The following RPH3A variants were observed in gnomAD, a reference collection of about 807,000 sequenced individuals.
RPH3A encodes the protein rabphilin 3A, also known as rabphilin-3A.
A neutral mutation model predicts 102.2 loss-of-function variants in RPH3A; 48 were observed. The ratio of observed to expected loss-of-function variants is 0.47; its 90% CI spans 0.37 to 0.60. The LOEUF is 0.60. Among genes scored for constraint, RPH3A ranks in the 20% least tolerant of loss-of-function variants. The pLI is 0.00. For synonymous variants in RPH3A, 310 were observed against 324.3 expected, an observed-to-expected ratio of 0.96 and a Z score of 0.47; for missense variants, 781 against 910.1, an observed-to-expected ratio of 0.86 and a Z score of 1.83.
At chr12:112,816,963 T>A (rs1281718384) in intron 2 of RPH3A, among the ~76,000 whole-genome samples, 4 of 152,102 alleles carry the variant, frequency 2.6e-5, no homozygotes, top group African/African-American at 9.7e-5. Context: ...ACAGTTCCAT[T>A]TTGAGGTGGG....
At chr12:112,841,200 G>A (rs962849909) in intron 4 of RPH3A, among the ~76,000 whole-genome samples, 13 of 66,778 alleles carry the variant, frequency 1.9e-4, no homozygotes, top group African/African-American at 8.2e-4. Flanking sequence ...AAAAAGCCTC[G>A]TTGGAAAAAA....
intron 4 of RPH3A, among the ~76,000 whole-genome samples, chr12:112,846,401 G>A (rs1347668051): frequency 2.6e-5 from 4 of 152,194 alleles, no homozygotes; most frequent in Non-Finnish European, 5.9e-5. Context: ...TCCCCAGGCA[G>A]CGTCCTCCTT....
At chr12:112,767,096 C>A (rs1443805003) in intron 1 of RPH3A, among the ~76,000 whole-genome samples, 1 of 152,182 alleles carries the variant, frequency 6.6e-6, no homozygotes, top group East Asian at 1.9e-4. Flanking sequence ...AGGCTCCTCA[C>A]TCATGCAAAG....
intron 4 of RPH3A, among the ~76,000 whole-genome samples, chr12:112,842,301 C>A (rs2042160485): frequency 6.6e-6 from 1 of 152,206 alleles, no homozygotes; most frequent in South Asian, 2.1e-4. Flanking sequence ...AACACAAGTT[C>A]AGCTTTTTGG....
intron 1 of RPH3A, among the ~76,000 whole-genome samples, chr12:112,614,847 C>T (rs575641483): frequency 3.9e-5 from 6 of 152,044 alleles, no homozygotes; most frequent in South Asian, 2.1e-4. Flanking sequence ...TGTGGTGGTG[C>T]GATCATGGCT....
chr12:112,683,795 A>G (rs559715505), intron 1 of RPH3A, among the ~76,000 whole-genome samples: 1 of 152,220 alleles, frequency 6.6e-6, no homozygotes, highest in East Asian at 1.9e-4. Flanking sequence ...TACTGGAGAA[A>G]GCTCCCAGGC....
At chr12:112,727,765 C>A (rs1413527864) in intron 1 of RPH3A, among the ~76,000 whole-genome samples, 1 of 152,038 alleles carries the variant, frequency 6.6e-6, no homozygotes, top group East Asian at 1.9e-4. Context: ...CTAGGTTAAA[C>A]CTTGCCTGAA....
At position 112,665,199 on chromosome 12, in the gene RPH3A, G is replaced by C. The variant is rs79207638; in HGVS notation, c.-140+89880G>C. Among the ~76,000 whole-genome samples the C allele has an allele frequency of 3.9e-4, 60 of 152,210 alleles. No homozygotes were observed. The East Asian group carries it at 0.011, about 28-fold the overall frequency. The stretch of plus-strand genomic sequence containing the variant: ...ATCTGTACCCCAGTCCATATCACAG[G>C]CTTTGCTTTTGAGGGAGTCCAGACC... On this transcript the variant is annotated intron_variant, in intron 1 of 21. Coordinates refer to the RPH3A transcript ENST00000543106.
chr12:112,787,310 G>C (rs915780665), upstream of RPH3A, among the ~76,000 whole-genome samples: 2 of 152,208 alleles, frequency 1.3e-5, no homozygotes, highest in Admixed American at 1.3e-4. Context: ...CACTTGCTAA[G>C]TGAAATGGGC....
intron 1 of RPH3A, among the ~76,000 whole-genome samples, chr12:112,639,601 T>C (rs1405440818): frequency 1.3e-5 from 2 of 152,130 alleles, no homozygotes; most frequent in Non-Finnish European, 2.9e-5. Context: ...ATGGCACATT[T>C]ACCTATGTAA....
At chr12:112,789,821 G>T (rs1232310948), upstream of RPH3A, among the ~76,000 whole-genome samples, 1 of 150,158 alleles carries the variant, frequency 6.7e-6, no homozygotes, top group African/African-American at 2.5e-5. Context: ...CACCACTGAG[G>T]CAGGTGGTTC....
At chr12:112,827,600 A>G (rs1394962359) in intron 2 of RPH3A, among the ~76,000 whole-genome samples, 4 of 152,240 alleles carry the variant, frequency 2.6e-5, no homozygotes, top group Non-Finnish European at 4.4e-5. Context: ...GTAGCAATGC[A>G]GGCTGAAAGG....
chr12:112,891,938 G>T (rs904424415), intron 19 of RPH3A, among the ~76,000 whole-genome samples: 1 of 152,248 alleles, frequency 6.6e-6, no homozygotes, highest in African/African-American at 2.4e-5. Context: ...GCTGCTGGCT[G>T]TGGACTCTAA....
At chr12:112,798,446 C>A (rs865818657) in intron 2 of RPH3A, among the ~76,000 whole-genome samples, 11 of 152,084 alleles carry the variant, frequency 7.2e-5, no homozygotes, top group African/African-American at 2.7e-4. Context: ...TACACAATGA[C>A]GAGTGGTGAC....
At chr12:112,654,864 A>G (rs570351109) in intron 1 of RPH3A, among the ~76,000 whole-genome samples, 1 of 152,340 alleles carries the variant, frequency 6.6e-6, no homozygotes, top group Admixed American at 6.5e-5. Flanking sequence ...AAGATCACCA[A>G]TAAAAGGAGT....
intron 19 of RPH3A, among the ~76,000 whole-genome samples, chr12:112,892,346 A>G (rs978127482): frequency 2.0e-5 from 3 of 152,228 alleles, no homozygotes; most frequent in African/African-American, 7.2e-5. Context: ...ATAAGGAGGA[A>G]TCCAGAGGGG....
intron 1 of RPH3A, among the ~76,000 whole-genome samples, chr12:112,751,629 G>T (rs1191946287): frequency 6.6e-6 from 1 of 152,144 alleles, no homozygotes; most frequent in Non-Finnish European, 1.5e-5. Context: ...AAAAATATAT[G>T]TATGAGGCTG....
At chr12:112,628,310 G>A (rs932345560) in intron 1 of RPH3A, among the ~76,000 whole-genome samples, 1 of 151,988 alleles carries the variant, frequency 6.6e-6, no homozygotes, top group Non-Finnish European at 1.5e-5. Flanking sequence ...GAATGTTTAG[G>A]TAAAAGCAAG....
chr12:112,690,691 C>A (rs576471635), intron 1 of RPH3A, among the ~76,000 whole-genome samples: 2 of 152,246 alleles, frequency 1.3e-5, no homozygotes, highest in African/African-American at 4.8e-5. Context: ...TTGGACCCAA[C>A]GAGATCAGGG....
Sources: allele counts gnomAD v4.1 joint callset (sites outside exome capture counted in the v4.1 genomes callset), GRCh38; gene constraint gnomAD v4.1.1; transcripts MANE v1.5; gene names NCBI Gene and HGNC (gene_info 2026-07-23, HGNC 2026-07-21).